The following COLEC12 variants were observed in gnomAD, a reference collection of about 807,000 sequenced individuals.
COLEC12 encodes the protein collectin subfamily member 12.
In COLEC12, 33 loss-of-function variants were observed where a neutral mutation model predicts 71.1. That is an observed-to-expected ratio of 0.46 (90% CI 0.35 to 0.62). COLEC12 has a LOEUF of 0.62. Among genes scored for constraint, COLEC12 ranks in the 20% least tolerant of loss-of-function variants. COLEC12 has a pLI of 0.00. For missense variants in COLEC12, 765 were observed against 916.1 expected (o/e 0.84, Z 2.13); for synonymous variants, 350 against 353.0 (o/e 0.99, Z 0.10).
intron 2 of COLEC12, among the ~76,000 whole-genome samples, chr18:441,990 ACT>A (rs199965842): frequency 0.012 from 1,487 of 128,030 alleles, 17 homozygotes; most frequent in East Asian, 0.032. Flanking sequence ...ACAGAGTGAG[ACT>A]CTCTCTCTCT....
At chr18:323,152 GA>G (rs1346856167) in intron 8 of COLEC12, among the ~76,000 whole-genome samples, 3 of 152,174 alleles carry the variant, frequency 2.0e-5, no homozygotes, top group African/African-American at 7.2e-5. Flanking sequence ...TTGAATCCAG[GA>G]GGTGGAGGTT....
Position 347,272 on chromosome 18 carries a change from T to C in COLEC12, c.350A>G (p.Asp117Gly). Residue 117 changes from aspartate (D) to glycine (G), a missense_variant, in exon 5 of 10, where the codon GAT (aspartate) becomes GGT (glycine). Coordinates refer to ENST00000400256, the MANE Select transcript of COLEC12 (RefSeq NM_130386.3). ...ELSTFRSDIL[D>G]LRQQLREITE... is the part of the protein sequence containing the mutation. The stretch of plus-strand genomic sequence containing the variant: ...AATCTCACGAAGTTGCTGACGGAGA[T>C]CTAGAATGTCTGATCTGAAGGTGGA... The C allele has an allele frequency of 6.2e-7, 1 of 1,614,150 alleles. No individual in the cohort carries two copies. The highest frequency in any genetic ancestry group is 1.3e-5 in the African/African-American group (1 of 75,030).
At chr18:420,357 T>C (rs1310869224) in intron 2 of COLEC12, among the ~76,000 whole-genome samples, 5 of 152,146 alleles carry the variant, frequency 3.3e-5, no homozygotes, top group South Asian at 2.1e-4. Context: ...CCTCTGGCTA[T>C]AGCTGCAGTG....
At chr18:354,774 G>A (rs892769316) in intron 3 of COLEC12, among the ~76,000 whole-genome samples, 1 of 152,048 alleles carries the variant, frequency 6.6e-6, no homozygotes, top group Non-Finnish European at 1.5e-5. Flanking sequence ...GGTCAGTGGA[G>A]GCCTGAAGGA....
At chr18:474,827 G>A (rs11081136) in intron 2 of COLEC12, among the ~76,000 whole-genome samples, 5 of 151,978 alleles carry the variant, frequency 3.3e-5, no homozygotes, top group African/African-American at 1.2e-4. Context: ...AATCCCTGCA[G>A]TTTTGGAGGC....
At chr18:484,007 T>C (rs772602878) in intron 1 of COLEC12, among the ~76,000 whole-genome samples, 5 of 152,212 alleles carry the variant, frequency 3.3e-5, no homozygotes, top group African/African-American at 4.8e-5. Flanking sequence ...AGAAACATCA[T>C]TGAAGATGTC....
rs1267494944 is a variant in COLEC12, at chr18:333,242, G to T, written c.1817-99C>A. On this transcript the variant is annotated intron_variant, in intron 6 of 9. Coordinates refer to ENST00000400256, the MANE Select transcript of COLEC12 (RefSeq NM_130386.3). ...AGAGGCCAAAACTGTGGTCCCGCTG[G>T]GAGCAGCCTGAGCGTCCCTGCACGA... The T allele has an allele frequency of 9.8e-6, 10 of 1,024,750 alleles. No homozygotes were observed. The Admixed American group carries it at 2.5e-4, about 25-fold the overall frequency. 63.5% of individuals were successfully genotyped at this position (1,024,750 alleles called of 1,614,324 possible).
At chr18:495,601 GCTGA>G (rs1917696678) in intron 1 of COLEC12, among the ~76,000 whole-genome samples, 3 of 152,294 alleles carry the variant, frequency 2.0e-5, no homozygotes, top group African/African-American at 7.2e-5. Context: ...TCCTCCACTG[GCTGA>G]CTGAAGAACA....
At chr18:400,594 G>A (rs909067686) in intron 2 of COLEC12, among the ~76,000 whole-genome samples, 1 of 152,176 alleles carries the variant, frequency 6.6e-6, no homozygotes, top group African/African-American at 2.4e-5. Flanking sequence ...AGGTTGCGCA[G>A]AGATCTCAGT....
chr18:430,392 T>C (rs1481758711), intron 2 of COLEC12, among the ~76,000 whole-genome samples: 1 of 152,144 alleles, frequency 6.6e-6, no homozygotes, highest in African/African-American at 2.4e-5. Flanking sequence ...GCATACTCCA[T>C]ATCTAGATAA....
chr18:361,724 C>T (rs1914748333), intron 2 of COLEC12, among the ~76,000 whole-genome samples: 1 of 152,130 alleles, frequency 6.6e-6, no homozygotes, highest in Admixed American at 6.5e-5. Context: ...ACATTCCATG[C>T]TGAGAAACCA....
intron 1 of COLEC12, among the ~76,000 whole-genome samples, chr18:489,280 T>G (rs1567923994): frequency 6.6e-6 from 1 of 152,226 alleles, no homozygotes; most frequent in Non-Finnish European, 1.5e-5. Flanking sequence ...TATAGAATGC[T>G]CTCAGTTCAA....
At chr18:433,727 C>A (rs894221089) in intron 2 of COLEC12, among the ~76,000 whole-genome samples, 15 of 152,136 alleles carry the variant, frequency 9.9e-5, no homozygotes, top group Non-Finnish European at 2.2e-4. Flanking sequence ...AATCCCAGCA[C>A]TTTGGAAAGC....
chr18:389,676 T>A (rs1052622649), intron 2 of COLEC12, among the ~76,000 whole-genome samples: 1 of 152,144 alleles, frequency 6.6e-6, no homozygotes, highest in Non-Finnish European at 1.5e-5. Context: ...TTTGGACTTC[T>A]TAAATCCAGC....
intron 3 of COLEC12, among the ~76,000 whole-genome samples, chr18:355,063 C>T: frequency 6.6e-6 from 1 of 151,760 alleles, no homozygotes; most frequent in East Asian, 2.0e-4. Flanking sequence ...ATCCATCCAT[C>T]CATCCATCCA....
At chr18:386,050 T>C (rs2143575422) in intron 2 of COLEC12, among the ~76,000 whole-genome samples, 1 of 152,136 alleles carries the variant, frequency 6.6e-6, no homozygotes, top group South Asian at 2.1e-4. Context: ...ACAGTAGGGG[T>C]GGATAAATCC....
At chr18:415,963 G>C (rs1262998066) in intron 2 of COLEC12, among the ~76,000 whole-genome samples, 1 of 152,200 alleles carries the variant, frequency 6.6e-6, no homozygotes, top group Non-Finnish European at 1.5e-5. Context: ...CTTAAAATAA[G>C]TTTGGACTGA....
chr18:459,650 C>T (rs1254805801), intron 2 of COLEC12, among the ~76,000 whole-genome samples: 1 of 152,232 alleles, frequency 6.6e-6, no homozygotes, highest in Non-Finnish European at 1.5e-5. Flanking sequence ...CCTATGCACA[C>T]CGCAATGCCT....
At chr18:472,345 G>A (rs1917214007) in intron 2 of COLEC12, among the ~76,000 whole-genome samples, 3 of 152,078 alleles carry the variant, frequency 2.0e-5, no homozygotes, top group African/African-American at 7.2e-5. Context: ...TTTACTGATG[G>A]CCACCAACCC....
Sources: gnomAD v4.1 joint callset for allele counts (sites outside exome capture counted in the v4.1 genomes callset) on GRCh38, gnomAD v4.1.1 for gene constraint, MANE v1.5 for transcripts, NCBI Gene and HGNC (gene_info 2026-07-23, HGNC 2026-07-21) for gene names.